ZNF536: variants seen among roughly 807,000 people sequenced by gnomAD.
ZNF536 encodes the protein zinc finger protein 536.
ZNF536 carries 13 observed loss-of-function variants against 84.5 expected under a neutral mutation model. That is an observed-to-expected ratio of 0.15 (90% CI 0.10 to 0.24). ZNF536 has a LOEUF of 0.24. Ranked by LOEUF, ZNF536 falls within the 10% of genes least tolerant of loss-of-function variation. ZNF536 has a pLI of 1.00. For synonymous variants in ZNF536, 811 were observed against 742.5 expected (o/e 1.09, Z -1.50); for missense variants, 1,536 against 1,747.5 (o/e 0.88, Z 2.16).
chr19:30,605,991 C>T (rs1373493062), intron 1 of ZNF536, among the ~76,000 whole-genome samples: 2 of 151,660 alleles, frequency 1.3e-5, no homozygotes, highest in East Asian at 3.9e-4. Context: ...TCCAGGTAGC[C>T]AGTCTTCTGT....
At chr19:30,483,638 C>A (rs1483716577) in intron 2 of ZNF536, among the ~76,000 whole-genome samples, 1 of 152,156 alleles carries the variant, frequency 6.6e-6, no homozygotes, top group Non-Finnish European at 1.5e-5. Context: ...CATTTGAGGT[C>A]TTCATGGGTT....
chr19:30,287,333 G>A (rs1568305801), intron 2 of ZNF536, among the ~76,000 whole-genome samples: 2 of 151,680 alleles, frequency 1.3e-5, no homozygotes, highest in Non-Finnish European at 2.9e-5. Flanking sequence ...ATGGGTGGGT[G>A]GGTAGGTGGG....
intron 1 of ZNF536, among the ~76,000 whole-genome samples, chr19:30,395,969 C>T (rs1243774315): frequency 6.6e-6 from 1 of 152,196 alleles, no homozygotes; most frequent in African/African-American, 2.4e-5. Flanking sequence ...TGATGAACTA[C>T]ATTGACACGT....
At chr19:30,422,365 T>C (rs1210425155) in intron 1 of ZNF536, among the ~76,000 whole-genome samples, 2 of 152,106 alleles carry the variant, frequency 1.3e-5, no homozygotes, top group Non-Finnish European at 2.9e-5. Context: ...TTAATTTTTC[T>C]AGAAAGGACT....
intron 1 of ZNF536, among the ~76,000 whole-genome samples, chr19:30,424,199 T>C (rs1245035129): frequency 6.6e-6 from 1 of 152,198 alleles, no homozygotes; most frequent in Non-Finnish European, 1.5e-5. Context: ...CCAGATACCC[T>C]TACACTTCCT....
chr19:30,571,738 GTCTCCCCC>G (rs1319670891), intron 1 of ZNF536, among the ~76,000 whole-genome samples: 1 of 152,244 alleles, frequency 6.6e-6, no homozygotes, highest in Non-Finnish European at 1.5e-5. Flanking sequence ...ACAGGCATGA[GTCTCCCCC>G]ACAGCATCTC....
chr19:30,616,449 T>C (rs1469989767), intron 1 of ZNF536, among the ~76,000 whole-genome samples: 2 of 152,240 alleles, frequency 1.3e-5, no homozygotes, highest in Non-Finnish European at 2.9e-5. Context: ...ATTAAAATAG[T>C]GAATCATATT....
intron 2 of ZNF536, among the ~76,000 whole-genome samples, chr19:30,310,641 G>T (rs1260313979): frequency 6.6e-6 from 1 of 152,180 alleles, no homozygotes; most frequent in Non-Finnish European, 1.5e-5. Context: ...CTTGTTCCAG[G>T]CAAGCAGGTT....
intron 1 of ZNF536, among the ~76,000 whole-genome samples, chr19:30,567,930 G>A (rs1171340249): frequency 6.6e-6 from 1 of 152,106 alleles, no homozygotes; most frequent in South Asian, 2.1e-4. Context: ...GTCACTCCCC[G>A]ATAGCCAGAC....
chr19:30,509,047 C>T (rs1248388505), intron 2 of ZNF536, among the ~76,000 whole-genome samples: 1 of 150,384 alleles, frequency 6.6e-6, no homozygotes, highest in Non-Finnish European at 1.5e-5. Context: ...GTTGCCCATG[C>T]TGGTCTGGGG....
intron 2 of ZNF536, among the ~76,000 whole-genome samples, chr19:30,494,951 AG>A (rs1415983719): frequency 0.06 from 8,518 of 141,768 alleles, 609 homozygotes; most frequent in Non-Finnish European, 0.1. Flanking sequence ...GTCTCAAAAA[AG>A]AAAAAAAAAA....
chr19:30,412,819 GT>G (rs2050551192), intron 1 of ZNF536, among the ~76,000 whole-genome samples: 1 of 151,746 alleles, frequency 6.6e-6, no homozygotes, highest in Non-Finnish European at 1.5e-5. Context: ...GAGACGATCT[GT>G]TTCTTTGAAC....
At chr19:30,686,744 C>T (rs2051201722) in intron 1 of ZNF536, among the ~76,000 whole-genome samples, 1 of 152,180 alleles carries the variant, frequency 6.6e-6, no homozygotes, top group South Asian at 2.1e-4. Context: ...GCGTCGCACA[C>T]TCTCATCGCC....
At chr19:30,390,320 T>C (rs1254093729) in intron 1 of ZNF536, among the ~76,000 whole-genome samples, 1 of 152,180 alleles carries the variant, frequency 6.6e-6, no homozygotes, top group Non-Finnish European at 1.5e-5. Context: ...TCTCTGTTAA[T>C]AAGCTCGCAT....
intron 2 of ZNF536, among the ~76,000 whole-genome samples, chr19:30,461,032 G>A (rs987045596): frequency 5.3e-5 from 8 of 152,206 alleles, no homozygotes; most frequent in African/African-American, 1.9e-4. Flanking sequence ...GTCAGGCCGT[G>A]TGGGCGCGTC....
In ZNF536 at chr19:30,606,268, A is replaced by AAAT. The variant is rs1379183387; in HGVS notation, c.169+56757_169+56759dup. 6.9e-3 allele frequency among the ~76,000 whole-genome samples: 39 copies of AAAT among 5,660 alleles called. 1 individual carries two copies. The highest frequency in any genetic ancestry group is 0.014 in the African/African-American group (36 of 2,550). 3.7% of individuals were successfully genotyped at this position (5,660 alleles called of 152,430 possible). ...AAAATAAAATAAATAAAATAAAATA[A>AAAT]AATAAAATAAAATAAAATAAAATAA... is the stretch of plus-strand genomic sequence containing the variant. On this transcript the variant is annotated intron_variant, in intron 1 of 1. Transcript: ENST00000592773.
intron 2 of ZNF536, among the ~76,000 whole-genome samples, chr19:30,451,535 GAA>G (rs2052607475): frequency 6.6e-6 from 1 of 152,202 alleles, no homozygotes; most frequent in Non-Finnish European, 1.5e-5. Context: ...TGGCATTTCA[GAA>G]AGAGGGTACT....
chr19:30,424,124 T>A (rs769507690), intron 1 of ZNF536, among the ~76,000 whole-genome samples: 1 of 152,214 alleles, frequency 6.6e-6, no homozygotes, highest in Non-Finnish European at 1.5e-5. Flanking sequence ...CCACAGGACC[T>A]GGATGTAGCT....
In ZNF536 at chr19:30,689,714, C is replaced by A. The variant is rs534322272; in HGVS notation, c.170-21043C>A. ...GCAAATGCCTTCCTGAGACAGCGTTCCCGTGTGTCCCGTGGAACAGGGAGG... is the reference window on the plus strand; with the variant it reads ...GCAAATGCCTTCCTGAGACAGCGTTACCGTGTGTCCCGTGGAACAGGGAGG... On this transcript the variant is annotated intron_variant, in intron 1 of 1. Coordinates refer to the ZNF536 transcript ENST00000592773. 1.9e-3 allele frequency among the ~76,000 whole-genome samples: 288 copies of A among 152,286 alleles called. 1 individual carries two copies. Among genetic ancestry groups the A allele is most frequent in the South Asian group, 6.4e-3 (31 of 4,822 alleles).
Sources: gnomAD v4.1 joint callset for allele counts (sites outside exome capture counted in the v4.1 genomes callset) on GRCh38, gnomAD v4.1.1 for gene constraint, MANE v1.5 for transcripts, NCBI Gene and HGNC (gene_info 2026-07-23, HGNC 2026-07-21) for gene names.